Variants in DDAH1 observed in about 807,000 individuals in gnomAD.
The protein encoded by DDAH1 is N(G),N(G)-dimethylarginine dimethylaminohydrolase 1.
In DDAH1, 19 loss-of-function variants were observed where a neutral mutation model predicts 28.8. That is an observed-to-expected ratio of 0.66 (90% confidence interval 0.46 to 0.97). DDAH1 has a LOEUF of 0.97. DDAH1 is among the 50% of genes least tolerant of loss of function. The pLI, the probability that DDAH1 is intolerant of heterozygous loss-of-function variation, is 0.00. For synonymous variants in DDAH1, 153 were observed against 154.4 expected (o/e 0.99, Z 0.07); for missense variants, 326 against 375.9 (o/e 0.87, Z 1.10).
chr1:85,402,216 T>A (rs1652149125), intron 1 of DDAH1, among the ~76,000 whole-genome samples: 1 of 149,032 alleles, frequency 6.7e-6, no homozygotes, highest in Admixed American at 6.7e-5. Flanking sequence ...AGCCCAGGCT[T>A]ATCTTGAACT....
At chr1:85,483,852 A>G (rs76002294) in intron 2 of DDAH1, among the ~76,000 whole-genome samples, 9,041 of 152,224 alleles carry the variant, frequency 0.059, 337 homozygotes, top group African/African-American at 0.1. Context: ...TGATTGTAGA[A>G]GTCATAAAGC....
intron 2 of DDAH1, among the ~76,000 whole-genome samples, chr1:85,475,318 T>TGGAGGAGGAGAAGGG (rs1188632659): frequency 3.3e-5 from 5 of 152,146 alleles, no homozygotes; most frequent in African/African-American, 1.2e-4. Flanking sequence ...TCCATGATGA[T>TGGAGGAGGAGAAGGG]GGAGGAGGAG....
chr1:85,467,804 T>C (rs1282995235), upstream of DDAH1: 1 of 152,238 alleles, frequency 6.6e-6, no homozygotes, highest in African/African-American at 2.4e-5. Flanking sequence ...CACCATGTTA[T>C]GCACTTCAGA....
At chr1:85,557,377 T>C (rs777869870) in intron 1 of DDAH1, among the ~76,000 whole-genome samples, 19 of 152,204 alleles carry the variant, frequency 1.2e-4, no homozygotes, top group Non-Finnish European at 2.8e-4. Context: ...ATTAAATAAT[T>C]GAATGCTTAC....
At chr1:85,326,986 TA>T (rs1489844559) in intron 4 of DDAH1, among the ~76,000 whole-genome samples, 2 of 152,208 alleles carry the variant, frequency 1.3e-5, no homozygotes, top group Non-Finnish European at 2.9e-5. Context: ...CTTGAGAGAA[TA>T]AAAAAACAGA....
chr1:85,407,572 C>G (rs1325136219), intron 1 of DDAH1, among the ~76,000 whole-genome samples: 1 of 152,124 alleles, frequency 6.6e-6, no homozygotes, highest in East Asian at 1.9e-4. Context: ...TAGACAATGG[C>G]TGCTACTAAT....
chr1:85,352,915 T>C (rs570905617), intron 2 of DDAH1, among the ~76,000 whole-genome samples: 20 of 151,908 alleles, frequency 1.3e-4, no homozygotes, highest in Non-Finnish European at 2.2e-4. Context: ...GTACTAGACA[T>C]TGTTGATAAA....
chr1:85,559,819 T>A (rs566249512), intron 1 of DDAH1, among the ~76,000 whole-genome samples: 120 of 125,152 alleles, frequency 9.6e-4, no homozygotes, highest in Middle Eastern at 4.4e-3. Context: ...AAAAAAAAAA[T>A]GAACAGAGCT....
chr1:85,540,967 A>G (rs1397878569), intron 1 of DDAH1, among the ~76,000 whole-genome samples: 1 of 151,664 alleles, frequency 6.6e-6, no homozygotes, highest in Non-Finnish European at 1.5e-5. Context: ...ATCTAAAAAA[A>G]AAAAAAAAAA....
At chr1:85,439,541 A>C (rs1654096214) in intron 1 of DDAH1, among the ~76,000 whole-genome samples, 2 of 152,268 alleles carry the variant, frequency 1.3e-5, no homozygotes, top group Admixed American at 1.3e-4. Flanking sequence ...TAGTCAATAC[A>C]CTATACATGA....
chr1:85,336,877 T>C (rs776783198), intron 4 of DDAH1, among the ~76,000 whole-genome samples: 1 of 151,618 alleles, frequency 6.6e-6, no homozygotes, highest in Non-Finnish European at 1.5e-5. Flanking sequence ...ATACCAAAAC[T>C]AGACAAGGAC....
At chr1:85,419,020 T>C (rs1653012264) in intron 1 of DDAH1, among the ~76,000 whole-genome samples, 1 of 152,118 alleles carries the variant, frequency 6.6e-6, no homozygotes, top group Non-Finnish European at 1.5e-5. Context: ...GCCCAACTTT[T>C]CCTAGCTGGA....
intron 1 of DDAH1, among the ~76,000 whole-genome samples, chr1:85,371,104 G>C (rs1488682063): frequency 6.6e-6 from 1 of 152,112 alleles, no homozygotes; most frequent in Non-Finnish European, 1.5e-5. Flanking sequence ...TGCGAAGTTT[G>C]GTAGCTGTTT....
At chr1:85,436,316 GC>G (rs1653942752) in intron 1 of DDAH1, among the ~76,000 whole-genome samples, 1 of 151,654 alleles carries the variant, frequency 6.6e-6, no homozygotes, top group Admixed American at 6.6e-5. Flanking sequence ...ATACTTTCAT[GC>G]TTTTGTATTG....
intron 4 of DDAH1, among the ~76,000 whole-genome samples, chr1:85,336,220 A>G (rs1042488704): frequency 2.6e-5 from 4 of 152,164 alleles, no homozygotes; most frequent in African/African-American, 9.7e-5. Context: ...TAGCACATCA[A>G]GAACATTCTT....
chr1:85,454,278 C>A (rs1007638245), intron 1 of DDAH1, among the ~76,000 whole-genome samples: 2 of 152,174 alleles, frequency 1.3e-5, no homozygotes, highest in African/African-American at 2.4e-5. Flanking sequence ...ACAATCTTCC[C>A]CCTCTTCATG....
chr1:85,360,851 C>A (rs896707479), intron 1 of DDAH1, among the ~76,000 whole-genome samples: 2 of 152,040 alleles, frequency 1.3e-5, no homozygotes, highest in Non-Finnish European at 2.9e-5. Context: ...CTTTTCTTTT[C>A]TTTTCAAGTT....
chr1:85,506,824 C>A (rs1246663130), intron 1 of DDAH1, among the ~76,000 whole-genome samples: 1 of 152,100 alleles, frequency 6.6e-6, no homozygotes, highest in Non-Finnish European at 1.5e-5. Context: ...TAGGAAGGTG[C>A]CTCGGATAGA....
intron 1 of DDAH1, chr1:85,496,403 G>C (rs1209126952): frequency 6.2e-6 from 1 of 161,638 alleles, no homozygotes; most frequent in East Asian, 1.9e-4. Flanking sequence ...CACTAAGGAA[G>C]AGCTGCAAGT....
Sources: gnomAD v4.1 joint callset for allele counts (sites outside exome capture counted in the v4.1 genomes callset) on GRCh38, gnomAD v4.1.1 for gene constraint, MANE v1.5 for transcripts, NCBI Gene and HGNC (gene_info 2026-07-23, HGNC 2026-07-21) for gene names.